The following ZBTB20 variants were observed in gnomAD, a reference collection of about 807,000 sequenced individuals.
The protein encoded by ZBTB20 is zinc finger and BTB domain-containing protein 20.
Under a neutral mutation model 56.9 loss-of-function variants are expected in ZBTB20, and 9 were observed. The ratio of observed to expected loss-of-function variants is 0.16; its 90% CI spans 0.10 to 0.28. The LOEUF is 0.28. Ranked by LOEUF, ZBTB20 falls within the 10% of genes least tolerant of loss-of-function variation. The pLI, the probability that ZBTB20 is intolerant of heterozygous loss-of-function variation, is 1.00. For synonymous variants in ZBTB20, 417 were observed against 420.7 expected (o/e 0.99, Z 0.11); for missense variants, 655 against 1,003.0 (o/e 0.65, Z 4.69).
At chr3:114,828,206 T>C (rs1373265945) in intron 4 of ZBTB20, among the ~76,000 whole-genome samples, 3 of 151,790 alleles carry the variant, frequency 2.0e-5, no homozygotes, top group African/African-American at 7.2e-5. Context: ...TATGTATTAT[T>C]CATATGTCTC....
intron 4 of ZBTB20, among the ~76,000 whole-genome samples, chr3:114,895,798 A>G (rs2074853029): frequency 6.6e-6 from 1 of 152,300 alleles, no homozygotes; most frequent in Admixed American, 6.5e-5. Flanking sequence ...ACTTTAATCC[A>G]CATATCCACC....
chr3:114,427,436 A>C (rs1406192934), intron 7 of ZBTB20, among the ~76,000 whole-genome samples: 2 of 152,226 alleles, frequency 1.3e-5, no homozygotes. Flanking sequence ...CAGCACAAAA[A>C]TCATTATCCA....
At chr3:114,614,944 G>A (rs1203146275) in intron 6 of ZBTB20, among the ~76,000 whole-genome samples, 1 of 152,048 alleles carries the variant, frequency 6.6e-6, no homozygotes, top group Non-Finnish European at 1.5e-5. Context: ...TTTTAGTAGA[G>A]ACGAGGTTTC....
At chr3:115,056,963 T>A (rs1202675991) in intron 2 of ZBTB20, among the ~76,000 whole-genome samples, 1 of 152,074 alleles carries the variant, frequency 6.6e-6, no homozygotes, top group East Asian at 1.9e-4. Context: ...TTGGAGTCAT[T>A]CTGTTGTAGC....
At chr3:114,600,111 C>T (rs1177787124) in intron 6 of ZBTB20, among the ~76,000 whole-genome samples, 1 of 151,936 alleles carries the variant, frequency 6.6e-6, no homozygotes, top group East Asian at 1.9e-4. Flanking sequence ...AATAAAACAC[C>T]ATTATTGCTC....
At chr3:115,058,108 A>C (rs1166684390) in intron 2 of ZBTB20, among the ~76,000 whole-genome samples, 1 of 151,988 alleles carries the variant, frequency 6.6e-6, no homozygotes, top group Non-Finnish European at 1.5e-5. Context: ...CCCGTGATTA[A>C]ATTACCTCCC....
chr3:115,021,604 A>G (rs1289566475), intron 2 of ZBTB20, among the ~76,000 whole-genome samples: 1 of 150,914 alleles, frequency 6.6e-6, no homozygotes, highest in Non-Finnish European at 1.5e-5. Context: ...TCAAACATGA[A>G]TATTTTCTCA....
At chr3:114,397,644 G>A (rs2086449896) in intron 7 of ZBTB20, among the ~76,000 whole-genome samples, 1 of 150,872 alleles carries the variant, frequency 6.6e-6, no homozygotes, top group African/African-American at 2.4e-5. Context: ...ATCTTAAAGT[G>A]TGTTTCATAC....
chr3:114,413,354 G>A (rs1018939855), intron 7 of ZBTB20, among the ~76,000 whole-genome samples: 4 of 152,092 alleles, frequency 2.6e-5, no homozygotes, highest in Non-Finnish European at 5.9e-5. Flanking sequence ...ACTTTACACA[G>A]TAGGCAATCA....
chr3:114,817,189 TTA>T (rs1491346065), intron 4 of ZBTB20, among the ~76,000 whole-genome samples: 1 of 78,560 alleles, frequency 1.3e-5, no homozygotes, highest in Non-Finnish European at 2.3e-5. Flanking sequence ...TTTATACAAC[TTA>T]TACACACACA....
At chr3:114,657,696 C>T (rs1000606667) in intron 6 of ZBTB20, among the ~76,000 whole-genome samples, 1 of 152,142 alleles carries the variant, frequency 6.6e-6, no homozygotes, top group Non-Finnish European at 1.5e-5. Context: ...CTGGGAAGTT[C>T]CTTGAGGGAA....
intron 5 of ZBTB20, among the ~76,000 whole-genome samples, chr3:114,723,668 G>C (rs1460780690): frequency 6.6e-6 from 1 of 152,150 alleles, no homozygotes; most frequent in Non-Finnish European, 1.5e-5. Flanking sequence ...AACTCCATAA[G>C]TGATTTGAAT....
intron 1 of ZBTB20, among the ~76,000 whole-genome samples, chr3:115,138,073 A>G (rs1157447241): frequency 6.6e-6 from 1 of 152,108 alleles, no homozygotes; most frequent in Non-Finnish European, 1.5e-5. Context: ...AAAGCCTTCC[A>G]AAGTCATAGG....
intron 6 of ZBTB20, among the ~76,000 whole-genome samples, chr3:114,570,891 A>G (rs1037825399): frequency 2.0e-5 from 3 of 152,184 alleles, no homozygotes. Context: ...ATTTCTTATT[A>G]ATTGATCAGA....
intron 1 of ZBTB20, among the ~76,000 whole-genome samples, chr3:115,133,662 G>T (rs9844126): frequency 0.36 from 54,603 of 151,958 alleles, 13,286 homozygotes; most frequent in African/African-American, 0.66. Flanking sequence ...CTCTTTCACT[G>T]AGTATGTTTT....
chr3:114,898,926 A>G (rs2074995965), intron 4 of ZBTB20, among the ~76,000 whole-genome samples: 1 of 152,144 alleles, frequency 6.6e-6, no homozygotes, highest in Admixed American at 6.6e-5. Context: ...AATTAATTAA[A>G]TATCTTTAAT....
chr3:114,707,815 G>T (rs2063807247), intron 5 of ZBTB20, among the ~76,000 whole-genome samples: 1 of 152,174 alleles, frequency 6.6e-6, no homozygotes, highest in South Asian at 2.1e-4. Flanking sequence ...TATCATGACT[G>T]ATGCACACAA....
chr3:114,767,052 C>G (rs910338579), intron 5 of ZBTB20, among the ~76,000 whole-genome samples: 1 of 151,980 alleles, frequency 6.6e-6, no homozygotes, highest in Admixed American at 6.6e-5. Flanking sequence ...TGGAGATGGT[C>G]TTGTCTACAT....
intron 10 of ZBTB20, chr3:114,366,618 C>T (rs778217965): frequency 3.9e-5 from 6 of 152,198 alleles, no homozygotes; most frequent in Non-Finnish European, 8.8e-5. Flanking sequence ...TCTAGTTTGG[C>T]TTTCAATCTA....
Sources: allele counts gnomAD v4.1 joint callset (sites outside exome capture counted in the v4.1 genomes callset), GRCh38; gene constraint gnomAD v4.1.1; transcripts MANE v1.5; gene names NCBI Gene and HGNC (gene_info 2026-07-23, HGNC 2026-07-21).